The following ZNF292 variants were observed in gnomAD, a reference collection of about 807,000 sequenced individuals.
The protein encoded by ZNF292 is zinc finger protein 292.
ZNF292 carries 26 observed loss-of-function variants against 217.9 expected under a neutral mutation model. That is an observed-to-expected ratio of 0.12 (90% CI 0.09 to 0.17). The LOEUF is 0.17. ZNF292 is among the 10% of genes least tolerant of loss of function. The pLI is 1.00. For synonymous variants in ZNF292, 1,257 were observed against 1,124.1 expected (o/e 1.12, Z -2.37); for missense variants, 2,904 against 3,175.2 (o/e 0.91, Z 2.05).
chr6:87,235,577 A>G (rs1481136272), intron 5 of ZNF292, among the ~76,000 whole-genome samples: 3 of 152,048 alleles, frequency 2.0e-5, no homozygotes, highest in African/African-American at 7.2e-5. Flanking sequence ...GTAAAAAAAA[A>G]AAAATCTGTA....
At chr6:87,211,469 C>T (rs1398973479) in intron 1 of ZNF292, among the ~76,000 whole-genome samples, 1 of 152,154 alleles carries the variant, frequency 6.6e-6, no homozygotes, top group East Asian at 1.9e-4. Flanking sequence ...TAAGAATGAA[C>T]ACTCTGAAGT....
At position 87,260,398 on chromosome 6, in the gene ZNF292, A is replaced by G. The variant is rs770588371; in HGVS notation, c.6769A>G (p.Lys2257Glu). 5.6e-6 allele frequency: 9 copies of G among 1,613,636 alleles called. No homozygotes were observed. Among genetic ancestry groups the G allele is most frequent in the Non-Finnish European group, 7.6e-6 (9 of 1,179,690 alleles). The stretch of plus-strand genomic sequence containing the variant: ...TAAAACAGAAGAAGATGGTGTATAC[A>G]AATGTGATTGTGAAGGCTGTGACCG... ...ASKTEEDGVYKCDCEGCDRIY... is the reference protein window; with the variant it reads ...ASKTEEDGVYECDCEGCDRIY... Residue 2257 changes from lysine (K) to glutamate (E), a missense_variant, in exon 8 of 8, where the codon AAA (lysine) becomes GAA (glutamate). Lys to Glu is a moderately conservative substitution (Grantham distance 56). Transcript: ENST00000369577.
intron 1 of ZNF292, among the ~76,000 whole-genome samples, chr6:87,200,095 G>A (rs912715060): frequency 1.3e-5 from 2 of 152,154 alleles, no homozygotes; most frequent in African/African-American, 4.8e-5. Flanking sequence ...GGGCTTGTAG[G>A]TCTCTGAAGT....
At chr6:87,172,768 G>A (rs978589089) in intron 1 of ZNF292, among the ~76,000 whole-genome samples, 3 of 151,772 alleles carry the variant, frequency 2.0e-5, no homozygotes, top group East Asian at 1.9e-4. Flanking sequence ...TTAGCTGGGC[G>A]TGGTGGTGCA....
chr6:87,208,239 T>G (rs1327007228), intron 1 of ZNF292, among the ~76,000 whole-genome samples: 1 of 152,170 alleles, frequency 6.6e-6, no homozygotes, highest in Non-Finnish European at 1.5e-5. Flanking sequence ...TTGGTACAGT[T>G]CTATTTTCAG....
chr6:87,169,658 T>C (rs9444480), intron 1 of ZNF292: 173,506 of 427,920 alleles, frequency 0.41, 37,003 homozygotes, highest in Admixed American at 0.58. Context: ...TTTTGTTTTG[T>C]TCTGTTTTGA....
rs571636248 is a variant in ZNF292, at chr6:87,257,562, G to A, written c.3933G>A (p.Lys1311=). The A allele has an allele frequency of 1.7e-5, 28 of 1,606,422 alleles. No homozygotes were observed. Among genetic ancestry groups the A allele is most frequent in the African/African-American group, 2.7e-5 (2 of 74,972 alleles). ...IEGNTNSSFL[K]GGNGENAVFP... is the part of the protein sequence containing the mutation. ...GAAACACTAATTCCTCCTTTCTAAA[G>A]GGGGGTAATGGTGAAAATGCAGTTT... Residue 1311 remains lysine (K), a synonymous_variant, in exon 8 of 8, where the codon AAG becomes AAA. Transcript: ENST00000369577.
At chr6:87,165,151 G>A (rs575107679) in intron 1 of ZNF292, among the ~76,000 whole-genome samples, 45 of 152,166 alleles carry the variant, frequency 3.0e-4, no homozygotes, top group African/African-American at 1.0e-3. Context: ...ACCTTGTATA[G>A]TCTAATAATG....
intron 1 of ZNF292, among the ~76,000 whole-genome samples, chr6:87,174,814 T>G (rs1771228967): frequency 6.6e-6 from 1 of 152,218 alleles, no homozygotes; most frequent in Non-Finnish European, 1.5e-5. Flanking sequence ...GGAATTATAC[T>G]TTATCAGAGG....
intron 1 of ZNF292, among the ~76,000 whole-genome samples, chr6:87,186,022 A>G (rs1351837310): frequency 6.6e-6 from 1 of 152,092 alleles, no homozygotes; most frequent in Non-Finnish European, 1.5e-5. Context: ...TGATTACGTA[A>G]TTGGCCATTG....
intron 1 of ZNF292, among the ~76,000 whole-genome samples, chr6:87,175,381 C>G (rs1456617941): frequency 6.6e-6 from 1 of 152,030 alleles, no homozygotes; most frequent in Non-Finnish European, 1.5e-5. Context: ...TCACTTTTAC[C>G]CAGGAGTGCA....
chr6:87,169,368 A>G (rs1473712031), intron 1 of ZNF292, among the ~76,000 whole-genome samples: 2 of 151,424 alleles, frequency 1.3e-5, no homozygotes, highest in Non-Finnish European at 2.9e-5. Flanking sequence ...TGTATTTTCC[A>G]TCGAGTTTTG....
intron 5 of ZNF292, among the ~76,000 whole-genome samples, chr6:87,237,283 T>C (rs895163131): frequency 9.9e-5 from 15 of 152,240 alleles, no homozygotes; most frequent in Admixed American, 7.2e-4. Flanking sequence ...GCTTGCTCTG[T>C]TGCCCAGGCT....
Position 87,256,805 on chromosome 6 carries a change from A to G in ZNF292, c.3176A>G (p.Asn1059Ser), listed in dbSNP as rs200889439. 56 of 1,613,390 alleles carry G rather than the reference A, an allele frequency of 3.5e-5. No individual in the cohort carries two copies. Among genetic ancestry groups the G allele is most frequent in the Admixed American group, 5.0e-5 (3 of 59,970 alleles). ...ECGDNVKTSSNLYNLPLKTLE... is the reference protein window; with the variant it reads ...ECGDNVKTSSSLYNLPLKTLE... ...GGAGATAATGTTAAAACATCATCCA[A>G]TCTTTATAATTTACCTCTTAAGACA... is the stretch of plus-strand genomic sequence containing the variant. The change falls in exon 8 of 8, where the codon AAT becomes AGT. Residue 1059 changes from asparagine (N) to serine (S), a missense_variant. Physicochemically the swap from Asn to Ser is conservative, Grantham distance 46 (BLOSUM62 1). This residue lies in a region of ZNF292 where 687 missense variants were observed against 623.0 expected (regional missense o/e 1.10). Transcript: ENST00000369577.
intron 1 of ZNF292, chr6:87,170,180 A>G (rs1172976541): frequency 1.3e-5 from 2 of 152,220 alleles, no homozygotes; most frequent in Admixed American, 6.5e-5. Context: ...ATTTTAGGAG[A>G]CTAAAACATA....
At position 87,256,823 on chromosome 6, in the gene ZNF292, T is replaced by G; in HGVS notation, c.3194T>G (p.Leu1065Arg). ...TCATCCAATCTTTATAATTTACCTC[T>G]TAAGACATTAGAAAGTATTGCATTT... is the stretch of plus-strand genomic sequence containing the variant. ...KTSSNLYNLP[L>R]KTLESIAFVP... The change falls in exon 8 of 8, where the codon CTT (leucine) becomes CGT (arginine). Residue 1065 changes from leucine to arginine, a missense_variant. This residue lies in a region of ZNF292 where 687 missense variants were observed against 623.0 expected (regional missense o/e 1.10). Transcript: ENST00000369577. 2 of 1,613,720 alleles carry G rather than the reference T, an allele frequency of 1.2e-6. No homozygotes were observed. Among genetic ancestry groups the G allele is most frequent in the South Asian group, 1.1e-5 (1 of 91,088 alleles).
chr6:87,194,031 A>C (rs71572747), intron 1 of ZNF292, among the ~76,000 whole-genome samples: 1 of 152,188 alleles, frequency 6.6e-6, no homozygotes, highest in African/African-American at 2.4e-5. Context: ...GAGGAAATAA[A>C]CTAACCAACC....
chr6:87,259,140 A>G lies in ZNF292; in HGVS notation c.5511A>G (p.Ile1837Met). The change falls in exon 8 of 8, where the codon ATA becomes ATG. Residue 1837 changes from isoleucine (I) to methionine (M), a missense_variant. Coordinates refer to ENST00000369577, the MANE Select transcript of ZNF292 (RefSeq NM_015021.3). ...AAGTATCACATAAGGAGGATCAAAT[A>G]CAGGAAATTTTAGAAGGCTTACAGA... ...QSEVSHKEDQ[I>M]QEILEGLQKL... 1.2e-6 allele frequency: 2 copies of G among 1,613,410 alleles called. No homozygotes were observed. The highest frequency in any genetic ancestry group is 1.1e-5 in the South Asian group (1 of 91,068).
chr6:87,216,403 A>G (rs1162752396), intron 3 of ZNF292, 26 bp downstream of exon 3: 1 of 1,487,340 alleles, frequency 6.7e-7, no homozygotes, highest in South Asian at 1.2e-5. Context: ...TTTAGATTTA[A>G]TACAGGTATA....
Sources: allele counts gnomAD v4.1 joint callset (sites outside exome capture counted in the v4.1 genomes callset), GRCh38; gene constraint gnomAD v4.1.1; regional missense constraint gnomAD v4.1.1; transcripts MANE v1.5; gene names NCBI Gene and HGNC (gene_info 2026-07-23, HGNC 2026-07-21).